The following NCAPD2 variants were observed in gnomAD, a reference collection of about 807,000 sequenced individuals.
The protein encoded by NCAPD2 is condensin complex subunit 1.
A neutral mutation model predicts 164.5 loss-of-function variants in NCAPD2; 100 were observed. The ratio of observed to expected loss-of-function variants is 0.61; its 90% CI spans 0.52 to 0.72. The LOEUF (loss-of-function observed/expected upper bound fraction) is 0.72, where lower values mean the gene tolerates loss of function less well. Ranked by LOEUF, NCAPD2 falls within the 30% of genes least tolerant of loss-of-function variation. The pLI, the probability that NCAPD2 is intolerant of heterozygous loss-of-function variation, is 0.00. For missense variants in NCAPD2, 1,560 were observed against 1,749.2 expected (o/e 0.89, Z 1.93); for synonymous variants, 585 against 642.6 (o/e 0.91, Z 1.36).
At position 6,528,603 on chromosome 12, in the gene NCAPD2, G is replaced by C. The variant is rs1946339446; in HGVS notation, c.3300-76G>C. ...GCAGAGCATGGGATAATTGATTCCT[G>C]CTGAGGGCCTTTTCTACCAGTGTTA... On this transcript the variant is annotated intron_variant, in intron 25 of 31. Transcript: ENST00000315579. The surrounding 1 kb of genome is among the most constrained non-coding windows in gnomAD (Gnocchi z 5.1). The C allele has an allele frequency of 3.2e-5, 48 of 1,485,950 alleles. 2 individuals are homozygous for C. The South Asian group carries it at 5.6e-4, about 17-fold the overall frequency. The allele number at this position is 1,485,950 out of a possible 1,614,324, so 92.0% of individuals were successfully genotyped here.
rs1946220864 is a variant in NCAPD2 at position 6,518,056 on chromosome 12, A to C, written c.1589+97A>C. ...TGTGTCTTTTAAATTAACTGCACACAGATATGCTGCCACCAGGTGATGGTA... is the reference window on the plus strand; with the variant it reads ...TGTGTCTTTTAAATTAACTGCACACCGATATGCTGCCACCAGGTGATGGTA... On this transcript the variant is annotated intron_variant, in intron 13 of 31. Transcript: ENST00000315579. 4 of 1,194,594 alleles carry C rather than the reference A, an allele frequency of 3.3e-6. No homozygotes were observed. In the South Asian group the frequency reaches 5.7e-5, roughly 17 times the overall value. 74.0% of individuals were successfully genotyped at this position (1,194,594 alleles called of 1,614,324 possible).
Position 6,495,244 on chromosome 12 carries a change from C to T in NCAPD2, c.127+19C>T. The T allele has an allele frequency of 3.1e-6, 5 of 1,613,494 alleles. No individual in the cohort carries two copies. Among genetic ancestry groups the T allele is most frequent in the Non-Finnish European group, 2.5e-6 (3 of 1,179,598 alleles). On this transcript the variant is annotated intron_variant, in intron 2 of 31. Transcript: ENST00000315579. The stretch of plus-strand genomic sequence containing the variant: ...CTTAGAGGTAAGAGTCCATAGCTGT[C>T]ACTGTACCTAGCTCTTTCAAAGGAC...
rs1285334395 is a variant in NCAPD2 at position 6,528,331 on chromosome 12, A to C, written c.3299+3A>C. Reference sequence around the variant, plus strand: ...TGGACTCCTCATCTGTATGCTCGGTAAGAGACCCCTCACAACGTGGTGGCA... The same window carrying C: ...TGGACTCCTCATCTGTATGCTCGGTCAGAGACCCCTCACAACGTGGTGGCA... On this transcript the variant is annotated splice_donor_region_variant and intron_variant, in intron 25 of 31. Coordinates refer to ENST00000315579, the MANE Select transcript of NCAPD2 (RefSeq NM_014865.4). This position sits in a 1 kb window ranked among gnomAD's most constrained non-coding sequence, Gnocchi z 5.1. 1.2e-6 allele frequency: 2 copies of C among 1,613,468 alleles called. No homozygotes were observed. The highest frequency in any genetic ancestry group is 8.5e-7 in the Non-Finnish European group (1 of 1,179,982).
chr12:6,501,051 C>T (rs1003894253), intron 2 of NCAPD2, among the ~76,000 whole-genome samples: 5 of 137,822 alleles, frequency 3.6e-5, no homozygotes, highest in Non-Finnish European at 7.7e-5. Context: ...AGAATGATTA[C>T]AAGGCTTTTT....
intron 13 of NCAPD2, among the ~76,000 whole-genome samples, chr12:6,518,504 G>GTTTTTTTTTTTTTTGTTTTTT (rs1946227099): frequency 2.2e-5 from 1 of 44,774 alleles, no homozygotes; most frequent in African/African-American, 1.0e-4. Context: ...CCGTCAACAA[G>GTTTTTTTTTTTTTTGTTTTTT]TTTTTTTTTT....
In NCAPD2 at chr12:6,529,755, A is replaced by G. The variant is rs976068144; in HGVS notation, c.3654-20A>G. 1 of 1,606,208 alleles carries G rather than the reference A, an allele frequency of 6.2e-7. No homozygotes were observed. Among genetic ancestry groups the G allele is most frequent in the East Asian group, 2.2e-5 (1 of 44,766 alleles). ...CTAGCTGGATCTCCCAGTTCCTCAC[A>G]AAGCCCTTCCTATCTGCAGAACTGA... On this transcript the variant is annotated intron_variant, in intron 28 of 31. Transcript: ENST00000315579.
intron 9 of NCAPD2, among the ~76,000 whole-genome samples, chr12:6,516,380 T>C (rs1592171969): frequency 6.6e-6 from 1 of 151,978 alleles, no homozygotes; most frequent in Non-Finnish European, 1.5e-5. Flanking sequence ...CGGGCACCTG[T>C]AATCCCAGCT....
rs2137061391 is a variant in NCAPD2 at position 6,528,637 on chromosome 12, C to T, written c.3300-42C>T. 1 of 1,586,812 alleles carries T rather than the reference C, an allele frequency of 6.3e-7. No individual in the cohort carries two copies. Among genetic ancestry groups the T allele is most frequent in the Non-Finnish European group, 8.6e-7 (1 of 1,160,846 alleles). On this transcript the variant is annotated intron_variant, in intron 25 of 31. Coordinates refer to ENST00000315579, the MANE Select transcript of NCAPD2 (RefSeq NM_014865.4). The surrounding 1 kb of genome is among the most constrained non-coding windows in gnomAD (Gnocchi z 5.1). ...CTTTTCTACCAGTGTTAGGGTGTAG[C>T]CCGGAGGTCTCGGTCCCCATGACCC...
chr12:6,494,485 T>A (rs1011854860), intron 1 of NCAPD2, among the ~76,000 whole-genome samples: 1 of 152,268 alleles, frequency 6.6e-6, no homozygotes, highest in Non-Finnish European at 1.5e-5. Context: ...TTAGATCAGA[T>A]ATGATACATG....
At chr12:6,522,073 G>GATTTTT in intron 15 of NCAPD2, 36 bp downstream of exon 15, 1 of 1,579,210 alleles carries the variant, frequency 6.3e-7, no homozygotes, top group Non-Finnish European at 8.6e-7. Flanking sequence ...GACAGCCTTG[G>GATTTTT]GGTTCTTTTG....
chr12:6,529,048 C>T lies in NCAPD2; in HGVS notation c.3572+9C>T. 1 of 1,610,462 alleles carries T rather than the reference C, an allele frequency of 6.2e-7. No homozygotes were observed. Among genetic ancestry groups the T allele is most frequent in the Non-Finnish European group, 8.5e-7 (1 of 1,178,378 alleles). On this transcript the variant is annotated intron_variant, in intron 27 of 31. Coordinates refer to ENST00000315579, the MANE Select transcript of NCAPD2 (RefSeq NM_014865.4). ...TTCCACACCATCATGAAGTATTGCT[C>T]CCCGGGCCCTGGGGCACATTTTCCA...
At chr12:6,526,671 G>GC in intron 21 of NCAPD2, 56 bp downstream of exon 21, 2 of 1,581,220 alleles carry the variant, frequency 1.3e-6, no homozygotes, top group Admixed American at 1.7e-5. Flanking sequence ...TCCCTGCAGG[G>GC]CCAGGAGCCA....
intron 2 of NCAPD2, among the ~76,000 whole-genome samples, chr12:6,498,477 T>C (rs185060743): frequency 1.3e-5 from 2 of 152,318 alleles, no homozygotes; most frequent in African/African-American, 4.8e-5. Context: ...CCAGGAGATA[T>C]ATTCCAAGAC....
rs118128717 is a variant in NCAPD2 at position 6,502,375 on chromosome 12, T to G, written c.127+7150T>G. 3.9e-3 allele frequency among the ~76,000 whole-genome samples: 591 copies of G among 152,314 alleles called. 2 individuals are homozygous for G. Among genetic ancestry groups the G allele is most frequent in the Non-Finnish European group, 5.1e-3 (349 of 68,018 alleles). On this transcript the variant is annotated intron_variant, in intron 2 of 31. Transcript: ENST00000315579. ...GTTTGGGAAGAAGGTCATGGTGTTA[T>G]GAGCAGAGGATAGGTGTGAAATAAT...
At chr12:6,510,562 G>A in intron 4 of NCAPD2, 67 bp from the exon 5 acceptor site, 3 of 1,535,112 alleles carry the variant, frequency 2.0e-6, no homozygotes, top group African/African-American at 1.4e-5. Context: ...GCAAGTGCTG[G>A]GTGTTTTGAA....
rs1340553509 is a variant in NCAPD2, at chr12:6,528,068, C to T, written c.3120C>T (p.Ala1040=). 1 of 1,614,228 alleles carries T rather than the reference C, an allele frequency of 6.2e-7. No homozygotes were observed. The highest frequency in any genetic ancestry group is 8.5e-7 in the Non-Finnish European group (1 of 1,180,040). Residue 1040 remains alanine, a synonymous_variant, in exon 24 of 32, where the codon GCC becomes GCT. Transcript: ENST00000315579. This position sits in a 1 kb window ranked among gnomAD's most constrained non-coding sequence, Gnocchi z 5.1. ...ACCTCTCTGCAGCTGCTTCACTTGC[C>T]CTTGGCAAGTTCTGCATGATCAGGT... is the stretch of plus-strand genomic sequence containing the variant. ...NPDLSAAASL[A]LGKFCMISAT...
intron 1 of NCAPD2, among the ~76,000 whole-genome samples, chr12:6,494,574 A>C (rs1353735186): frequency 6.6e-6 from 1 of 152,248 alleles, no homozygotes; most frequent in African/African-American, 2.4e-5. Flanking sequence ...CAGGAAGCCC[A>C]CTAGCCCATG....
rs150767309 is a variant in NCAPD2, at chr12:6,528,114, C to G, written c.3143+23C>G. On this transcript the variant is annotated intron_variant, in intron 24 of 31. Transcript: ENST00000315579. The surrounding 1 kb of genome is among the most constrained non-coding windows in gnomAD (Gnocchi z 5.1). The stretch of plus-strand genomic sequence containing the variant: ...CAGGTAGGCCGTGGGGTTGGTACCC[C>G]CTTCTCAAGGAAGATGGGGATGAAA... 2 of 1,614,088 alleles carry G rather than the reference C, an allele frequency of 1.2e-6. No individual in the cohort carries two copies. The highest frequency in any genetic ancestry group is 1.3e-5 in the African/African-American group (1 of 74,922).
Position 6,527,079 on chromosome 12 carries a change from C to A in NCAPD2, c.2907+16C>A. On this transcript the variant is annotated intron_variant, in intron 22 of 31. Coordinates refer to ENST00000315579, the MANE Select transcript of NCAPD2 (RefSeq NM_014865.4). ...CAAGGAGAAGGTGTGTGAATGTCCT[C>A]AGCACTTCCCAGATTTATTTCATAC... 6.3e-7 allele frequency: 1 copy of A among 1,590,042 alleles called. No homozygotes were observed.
Sources: gnomAD v4.1 joint callset for allele counts (sites outside exome capture counted in the v4.1 genomes callset) on GRCh38, gnomAD v4.1.1 for gene constraint, Gnocchi (gnomAD v3.1) non-coding constraint, MANE v1.5 for transcripts, NCBI Gene and HGNC (gene_info 2026-07-23, HGNC 2026-07-21) for gene names.